The following OLFM1 variants were observed in gnomAD, a reference collection of about 807,000 sequenced individuals.
The protein encoded by OLFM1 is olfactomedin 1, also known as noelin.
A neutral mutation model predicts 49.7 loss-of-function variants in OLFM1; 9 were observed. The ratio of observed to expected loss-of-function variants is 0.18; its 90% CI spans 0.11 to 0.32. The LOEUF is 0.32. OLFM1 is among the 10% of genes least tolerant of loss of function. The probability of loss-of-function intolerance (pLI) is 1.00; values close to 1 mark genes in which losing one functional copy is unlikely to be tolerated. For synonymous variants in OLFM1, 240 were observed against 271.8 expected (o/e 0.88, Z 1.15); for missense variants, 369 against 661.8 (o/e 0.56, Z 4.85).
At chr9:135,097,852 G>A in intron 3 of OLFM1, 1 of 1,606,408 alleles carries the variant, frequency 6.2e-7, no homozygotes, top group Admixed American at 1.7e-5. Context: ...AACCATGAAA[G>A]AGAGCCAGAG....
At chr9:135,094,582 C>T (rs1027860000) in intron 2 of OLFM1, among the ~76,000 whole-genome samples, 1 of 151,996 alleles carries the variant, frequency 6.6e-6, no homozygotes, top group African/African-American at 2.4e-5. Context: ...GAAGCCACCC[C>T]GTCGTGTACT....
In OLFM1 at chr9:135,120,926, A is replaced by T. The variant is rs932262075; in HGVS notation, c.*748A>T. On this transcript the variant is annotated 3_prime_UTR_variant, in exon 6 of 6. Transcript: ENST00000371793. ...TTTTTGTTTCTAAAAAGAAAAAAAA[A>T]ATCAGTGTTCACCCTTATAGAGACA... is the stretch of plus-strand genomic sequence containing the variant. The T allele has an allele frequency of 1.3e-5, 2 of 152,634 alleles. No homozygotes were observed. The highest frequency in any genetic ancestry group is 4.8e-5 in the African/African-American group (2 of 41,456). The allele number at this position is 152,634 out of a possible 1,614,324, so 9.5% of individuals were successfully genotyped here.
chr9:135,094,918 C>T (rs1221638565), intron 2 of OLFM1: 1 of 152,164 alleles, frequency 6.6e-6, no homozygotes, highest in African/African-American at 2.4e-5. Flanking sequence ...AACTTCCTCT[C>T]TAGTAATTGG....
At chr9:135,086,936 G>A (rs536238462), upstream of OLFM1, among the ~76,000 whole-genome samples, 1 of 152,212 alleles carries the variant, frequency 6.6e-6, no homozygotes, top group African/African-American at 2.4e-5. Context: ...TTCAGCTCCT[G>A]AGGTCCAGGC....
rs1831176018 is a variant in OLFM1, at chr9:135,120,781, C to G, written c.*603C>G. ...GCCCACATTGTTTGAACTCGCGTAC[C>G]CCGTAGATACATTGTGCAACGTTCT... On this transcript the variant is annotated 3_prime_UTR_variant, in exon 6 of 6. Transcript: ENST00000371793. The G allele has an allele frequency of 1.3e-5, 2 of 153,188 alleles. No individual in the cohort carries two copies. The highest frequency in any genetic ancestry group is 1.3e-4 in the Admixed American group (2 of 15,326). The allele number at this position is 153,188 out of a possible 1,614,324, so 9.5% of individuals were successfully genotyped here.
intron 5 of OLFM1, among the ~76,000 whole-genome samples, chr9:135,114,647 T>A (rs71506957): frequency 0.21 from 30,850 of 147,940 alleles, 3,283 homozygotes; most frequent in Middle Eastern, 0.3. Flanking sequence ...GAGGCAAGAG[T>A]TGGTAGGTCT....
chr9:135,095,747 C>T, intron 2 of OLFM1, 117 bp from the exon 3 acceptor site: 1 of 1,109,214 alleles, frequency 9.0e-7, no homozygotes, highest in East Asian at 2.4e-5. Flanking sequence ...GCATGGGCCA[C>T]TTCTGGTTCC....
chr9:135,095,743 G>A, intron 2 of OLFM1, 121 bp from the exon 3 acceptor site: 1 of 1,012,924 alleles, frequency 9.9e-7, no homozygotes, highest in South Asian at 1.5e-5. Flanking sequence ...TAATGCATGG[G>A]CCACTTCTGG....
chr9:135,119,761 C>T lies in OLFM1; in HGVS notation c.1041C>T (p.Tyr347=), dbSNP rs138868145. 2.7e-5 allele frequency: 44 copies of T among 1,613,896 alleles called. No homozygotes were observed. The highest frequency in any genetic ancestry group is 1.3e-4 in the African/African-American group (10 of 74,924). Residue 347 remains tyrosine, a synonymous_variant, in exon 6 of 6, where the codon TAC becomes TAT. Transcript: ENST00000371793. ...CCGGTTACAACAACATGTACCACTA[C>T]GCCTGGGGTGGCCACTCGGACATCG... is the stretch of plus-strand genomic sequence containing the variant. The part of the protein sequence containing the change: ...DYAGYNNMYH[Y]AWGGHSDIDL...
intron 1 of OLFM1, chr9:135,077,527 GC>G (rs1459489666): frequency 1.0e-5 from 3 of 291,140 alleles, no homozygotes; most frequent in Non-Finnish European, 1.9e-5. Flanking sequence ...CCGAACCCCA[GC>G]CAGCCCCTGG....
At chr9:135,111,420 C>T (rs1213496619) in intron 5 of OLFM1, among the ~76,000 whole-genome samples, 1 of 152,162 alleles carries the variant, frequency 6.6e-6, no homozygotes, top group Non-Finnish European at 1.5e-5. Flanking sequence ...TAGCGCATGG[C>T]CCATTGAACT....
At chr9:135,092,976 G>A (rs1392931053) in intron 2 of OLFM1, among the ~76,000 whole-genome samples, 1 of 152,122 alleles carries the variant, frequency 6.6e-6, no homozygotes, top group Non-Finnish European at 1.5e-5. Context: ...TTCTCTTCAT[G>A]GGCAGAAGCA....
Position 135,076,251 on chromosome 9 carries a change from G to A in OLFM1, c.96+449G>A, listed in dbSNP as rs62573397. On this transcript the variant is annotated intron_variant, in intron 1 of 5. Transcript: ENST00000252854. ...GGCTCATCCTCCCTTTGGGCATAACGCTGCCCTTGGGGGCTCCAGAAACAG... is the reference window on the plus strand; with the variant it reads ...GGCTCATCCTCCCTTTGGGCATAACACTGCCCTTGGGGGCTCCAGAAACAG... 3.2e-6 allele frequency: 5 copies of A among 1,550,374 alleles called. No individual in the cohort carries two copies. The Admixed American group carries it at 7.8e-5, about 24-fold the overall frequency.
Position 135,088,289 on chromosome 9 carries a change from C to T in OLFM1, c.150+150C>T. 1.5e-6 allele frequency: 1 copy of T among 671,642 alleles called. No individual in the cohort carries two copies. The highest frequency in any genetic ancestry group is 2.0e-6 in the Non-Finnish European group (1 of 491,686). 41.6% of individuals were successfully genotyped at this position (671,642 alleles called of 1,614,324 possible). A position where few individuals can be genotyped will look rare whatever the true frequency, so the allele number is the denominator to read the frequency against. On this transcript the variant is annotated intron_variant, in intron 1 of 5. Transcript: ENST00000371793. This position sits in a 1 kb window ranked among gnomAD's most constrained non-coding sequence, Gnocchi z 4.8. ...GAGCAGGGCGGGCAAGGGCAGGCGT[C>T]GCGGGCCGGCGCAGCGGTGGCGACC...
rs1831055114 is a variant in OLFM1 at position 135,113,733 on chromosome 9, G to A, written c.784-5771G>A. Among the ~76,000 whole-genome samples the A allele has an allele frequency of 6.6e-6, 1 of 152,214 alleles. No individual in the cohort carries two copies. The highest frequency in any genetic ancestry group is 6.5e-5 in the Admixed American group (1 of 15,272). ...GTGCTGGGTCACAGTGAGGCGGCAA[G>A]GCCTCCCCTCCGGGCTCACGGTCAG... On this transcript the variant is annotated intron_variant, in intron 5 of 5. Coordinates refer to ENST00000371793, the MANE Select transcript of OLFM1 (RefSeq NM_001282611.2). The surrounding 1 kb of genome is among the most constrained non-coding windows in gnomAD (Gnocchi z 4.0).
At chr9:135,116,488 A>C (rs1438292731) in intron 5 of OLFM1, among the ~76,000 whole-genome samples, 1 of 152,050 alleles carries the variant, frequency 6.6e-6, no homozygotes, top group African/African-American at 2.4e-5. Context: ...CCTTCTGCCC[A>C]TGGGAAGGAG....
In OLFM1 at chr9:135,107,819, G is replaced by C. The variant is rs111462296; in HGVS notation, c.783+964G>C. 5.2e-3 allele frequency among the ~76,000 whole-genome samples: 786 copies of C among 152,334 alleles called. 10 individuals carry two copies. Among genetic ancestry groups the C allele is most frequent in the African/African-American group, 0.018 (751 of 41,576 alleles). ...ATGTGAGATCCTCTAAGCTTTATCT[G>C]GAGCGGGTTTGAAGGAAGGGATGGA... On this transcript the variant is annotated intron_variant, in intron 5 of 5. Transcript: ENST00000371793.
At chr9:135,106,723 C>A in intron 4 of OLFM1, 26 bp from the exon 5 acceptor site, 1 of 1,604,692 alleles carries the variant, frequency 6.2e-7, no homozygotes, top group Non-Finnish European at 8.5e-7. Context: ...CGCCCTCCCT[C>A]TCCTGACCTG....
In OLFM1 at chr9:135,098,983, GC is replaced by G; in HGVS notation, c.676+482del. 6.6e-6 allele frequency among the ~76,000 whole-genome samples: 1 copy of G among 152,328 alleles called. No individual in the cohort carries two copies. Among genetic ancestry groups the G allele is most frequent in the East Asian group, 1.9e-4 (1 of 5,182 alleles). ...GCTGCCATTCACAGCACGGGAGGGA[GC>G]CCCTGCTCACAGCCTGGAAGGGGAG... is the stretch of plus-strand genomic sequence containing the variant. On this transcript the variant is annotated intron_variant, in intron 4 of 5. Transcript: ENST00000371793. This position sits in a 1 kb window ranked among gnomAD's most constrained non-coding sequence, Gnocchi z 5.6.
Sources: gnomAD v4.1 joint callset for allele counts (sites outside exome capture counted in the v4.1 genomes callset) on GRCh38, gnomAD v4.1.1 for gene constraint, Gnocchi (gnomAD v3.1) non-coding constraint, MANE v1.5 for transcripts, NCBI Gene and HGNC (gene_info 2026-07-23, HGNC 2026-07-21) for gene names.